The following AGBL4 variants were observed in gnomAD, a reference collection of about 807,000 sequenced individuals.
AGBL4 encodes the protein cytosolic carboxypeptidase 6.
In AGBL4, 58 loss-of-function variants were observed where a neutral mutation model predicts 66.4. That is an observed-to-expected ratio of 0.87 (90% CI 0.71 to 1.09). The LOEUF (loss-of-function observed/expected upper bound fraction) is 1.09, where lower values mean the gene tolerates loss of function less well. Among genes scored for constraint, AGBL4 ranks in the 50% least tolerant of loss-of-function variants. AGBL4 has a pLI of 0.00. For missense variants in AGBL4, 579 were observed against 631.0 expected (o/e 0.92, Z 0.88); for synonymous variants, 234 against 222.9 (o/e 1.05, Z -0.44).
At chr1:48,807,015 G>T (rs1031381366) in intron 6 of AGBL4, among the ~76,000 whole-genome samples, 2 of 152,138 alleles carry the variant, frequency 1.3e-5, no homozygotes, top group African/African-American at 4.8e-5. Context: ...ACAATGCTTT[G>T]GTTGTGTTAG....
intron 4 of AGBL4, among the ~76,000 whole-genome samples, chr1:49,176,917 T>C (rs149228424): frequency 6.6e-6 from 1 of 152,272 alleles, no homozygotes; most frequent in East Asian, 1.9e-4. Flanking sequence ...GTTCAGATCA[T>C]GATGTGCTCC....
At chr1:49,559,779 T>G (rs1053669138) in intron 3 of AGBL4, among the ~76,000 whole-genome samples, 1 of 152,104 alleles carries the variant, frequency 6.6e-6, no homozygotes, top group Non-Finnish European at 1.5e-5. Context: ...GGCTTCCCTG[T>G]TTTTGAGGTT....
chr1:48,608,006 A>T (rs1411371182), intron 9 of AGBL4, among the ~76,000 whole-genome samples: 1 of 152,248 alleles, frequency 6.6e-6, no homozygotes, highest in African/African-American at 2.4e-5. Flanking sequence ...GTGGCAGAAC[A>T]GGACTTATTC....
intron 3 of AGBL4, among the ~76,000 whole-genome samples, chr1:49,424,094 T>C (rs1252486497): frequency 6.6e-6 from 1 of 152,142 alleles, no homozygotes; most frequent in Non-Finnish European, 1.5e-5. Context: ...CTACCCAGAC[T>C]GAGTAGGCAG....
chr1:48,537,435 C>G (rs1228500474), intron 12 of AGBL4, among the ~76,000 whole-genome samples: 1 of 152,138 alleles, frequency 6.6e-6, no homozygotes, highest in Admixed American at 6.5e-5. Context: ...CTGAGATCTC[C>G]CCTATGTCCT....
At chr1:49,817,341 C>T (rs1477877715) in intron 2 of AGBL4, among the ~76,000 whole-genome samples, 2 of 152,266 alleles carry the variant, frequency 1.3e-5, no homozygotes, top group South Asian at 2.1e-4. Flanking sequence ...CAGGCATATA[C>T]ATGGAAGAAG....
chr1:49,864,266 G>T (rs892176106), intron 1 of AGBL4, among the ~76,000 whole-genome samples: 1 of 152,136 alleles, frequency 6.6e-6, no homozygotes, highest in Non-Finnish European at 1.5e-5. Flanking sequence ...GCCTGGAAAG[G>T]ATAGTCAGTG....
chr1:49,996,751 C>G (rs1486232442), intron 1 of AGBL4, among the ~76,000 whole-genome samples: 2 of 152,162 alleles, frequency 1.3e-5, no homozygotes, highest in Non-Finnish European at 2.9e-5. Flanking sequence ...ACTGCCTAGG[C>G]ACATACTCAT....
At chr1:49,577,014 G>C (rs923069276) in intron 3 of AGBL4, among the ~76,000 whole-genome samples, 1 of 152,208 alleles carries the variant, frequency 6.6e-6, no homozygotes, top group Non-Finnish European at 1.5e-5. Flanking sequence ...GGTCAGATGT[G>C]TGATTATATA....
chr1:49,949,843 C>T (rs1459970785), intron 1 of AGBL4, among the ~76,000 whole-genome samples: 1 of 151,352 alleles, frequency 6.6e-6, no homozygotes, highest in Non-Finnish European at 1.5e-5. Context: ...CCAGCAATCC[C>T]ACTACTGGGT....
At chr1:49,430,722 G>A (rs1645767577) in intron 3 of AGBL4, among the ~76,000 whole-genome samples, 1 of 152,130 alleles carries the variant, frequency 6.6e-6, no homozygotes, top group South Asian at 2.1e-4. Context: ...ACACATCTGT[G>A]AAACTAGCAC....
chr1:48,977,513 T>C (rs945778909), intron 5 of AGBL4, among the ~76,000 whole-genome samples: 8 of 151,990 alleles, frequency 5.3e-5, no homozygotes, highest in Admixed American at 1.3e-4. Context: ...AGGGTGGAAA[T>C]GAGATTGGCT....
chr1:48,609,752 T>A (rs1302782333), intron 9 of AGBL4, among the ~76,000 whole-genome samples: 1 of 152,232 alleles, frequency 6.6e-6, no homozygotes, highest in South Asian at 2.1e-4. Context: ...GTTTATTTCA[T>A]GATCTTCTCC....
chr1:49,087,485 T>A (rs920504218), intron 4 of AGBL4, among the ~76,000 whole-genome samples: 8 of 152,170 alleles, frequency 5.3e-5, no homozygotes, highest in African/African-American at 1.7e-4. Flanking sequence ...GAGGAAAGAA[T>A]CTTAGAGCTC....
At chr1:48,719,603 C>T (rs564019837) in intron 6 of AGBL4, among the ~76,000 whole-genome samples, 1 of 152,350 alleles carries the variant, frequency 6.6e-6, no homozygotes, top group Admixed American at 6.5e-5. Flanking sequence ...TCTCCAGCCT[C>T]ATCTCCCACT....
At chr1:49,862,596 A>C (rs1646601244) in intron 1 of AGBL4, among the ~76,000 whole-genome samples, 1 of 152,134 alleles carries the variant, frequency 6.6e-6, no homozygotes, top group African/African-American at 2.4e-5. Flanking sequence ...GGCATTTAAT[A>C]ATCAAACTCC....
chr1:49,753,447 T>C (rs1189605757), intron 2 of AGBL4, among the ~76,000 whole-genome samples: 2 of 152,242 alleles, frequency 1.3e-5, no homozygotes, highest in East Asian at 1.9e-4. Flanking sequence ...CCTGTTAGTC[T>C]GATGGGCTTC....
At chr1:48,713,607 C>A (rs915394715) in intron 6 of AGBL4, among the ~76,000 whole-genome samples, 1 of 152,138 alleles carries the variant, frequency 6.6e-6, no homozygotes, top group African/African-American at 2.4e-5. Flanking sequence ...GCACTCAGCC[C>A]TCCCTGGAAC....
chr1:49,911,471 T>C (rs1020991677), intron 1 of AGBL4, among the ~76,000 whole-genome samples: 8 of 152,184 alleles, frequency 5.3e-5, no homozygotes, highest in African/African-American at 1.9e-4. Flanking sequence ...TCATGCTCAT[T>C]GAATGGTTCA....
Sources: allele counts gnomAD v4.1 joint callset (sites outside exome capture counted in the v4.1 genomes callset), GRCh38; gene constraint gnomAD v4.1.1; transcripts MANE v1.5; gene names NCBI Gene and HGNC (gene_info 2026-07-23, HGNC 2026-07-21).